FAM227A: variants seen among roughly 807,000 people sequenced by gnomAD.
FAM227A encodes family with sequence similarity 227 member A, also known as protein FAM227A.
In FAM227A, 80 loss-of-function variants were observed where a neutral mutation model predicts 74.7. The observed-to-expected ratio is 1.07, with a 90% CI of 0.89 to 1.29. The LOEUF (loss-of-function observed/expected upper bound fraction) is 1.29. Among genes scored for constraint, FAM227A ranks in the 50% most tolerant of loss-of-function variants. FAM227A has a pLI of 0.00. For synonymous variants in FAM227A, 237 were observed against 241.8 expected, an observed-to-expected ratio of 0.98 and a Z score of 0.19; for missense variants, 654 against 683.4, an observed-to-expected ratio of 0.96 and a Z score of 0.48.
At chr22:38,590,116 A>AACAAAAC in intron 16 of FAM227A, among the ~76,000 whole-genome samples, 1 of 151,014 alleles carries the variant, frequency 6.6e-6, no homozygotes, top group African/African-American at 2.4e-5. Context: ...AACAAAACAA[A>AACAAAAC]AAAACGAAAA....
rs181967559 is a variant in FAM227A, at chr22:38,582,708, G to C, written c.*3417C>G. The C allele has an allele frequency of 9.5e-7, 1 of 1,057,548 alleles. No individual in the cohort carries two copies. The highest frequency in any genetic ancestry group is 1.4e-6 in the Non-Finnish European group (1 of 732,644). 65.5% of individuals were successfully genotyped at this position (1,057,548 alleles called of 1,614,324 possible). On this transcript the variant is annotated 3_prime_UTR_variant, in exon 17 of 17. Transcript: ENST00000535113. ...CAGACAGAAATGCAGTTTGTCCTGG[G>C]CTTAGAAAATAAGGAGACCTTCTTG...
chr22:38,601,006 A>G (rs1330972953), intron 13 of FAM227A, among the ~76,000 whole-genome samples: 1 of 152,140 alleles, frequency 6.6e-6, no homozygotes, highest in Non-Finnish European at 1.5e-5. Flanking sequence ...AGAGACTGGA[A>G]GGCTCTTACC....
At chr22:38,637,358 C>T (rs2092028220) in intron 5 of FAM227A, among the ~76,000 whole-genome samples, 1 of 152,096 alleles carries the variant, frequency 6.6e-6, no homozygotes, top group South Asian at 2.1e-4. Context: ...CATGTAGTTC[C>T]CCTCCCTTTG....
In FAM227A at chr22:38,638,819, T is replaced by C. The variant is rs897579242; in HGVS notation, c.299A>G (p.Lys100Arg). ...GGAATACTGAGATTTCCTTTGTCTCTTGACTGCAGAAAAATGGAGAAAGAG... is the reference window on the plus strand; with the variant it reads ...GGAATACTGAGATTTCCTTTGTCTCCTGACTGCAGAAAAATGGAGAAAGAG... ...KTRSSPEDKV[K>R]RQRKSQYSCK... The change falls in exon 5 of 17, where the codon AAG (lysine) becomes AGG (arginine). Residue 100 changes from lysine to arginine, a missense_variant. Transcript: ENST00000535113. The C allele has an allele frequency of 5.2e-6, 8 of 1,533,120 alleles. No individual in the cohort carries two copies. The highest frequency in any genetic ancestry group is 4.2e-5 in the African/African-American group (3 of 71,758). 95.0% of individuals were successfully genotyped at this position (1,533,120 alleles called of 1,614,324 possible).
Position 38,645,080 on chromosome 22 carries a change from T to C in FAM227A, c.225+483A>G, listed in dbSNP as rs544550252. 3.1e-3 allele frequency among the ~76,000 whole-genome samples: 426 copies of C among 136,146 alleles called. 4 individuals carry two copies. Among genetic ancestry groups the C allele is most frequent in the African/African-American group, 0.011 (402 of 35,318 alleles). The allele number at this position is 136,146 out of a possible 152,430, so 89.3% of individuals were successfully genotyped here. A position where few individuals can be genotyped will look rare whatever the true frequency, so the allele number is the denominator to read the frequency against. ...CCAGTCTGGCGACAGAGCAAGTCTCTGTCTCAAAAATAAATAAATAAAGTT... is the reference window on the plus strand; with the variant it reads ...CCAGTCTGGCGACAGAGCAAGTCTCCGTCTCAAAAATAAATAAATAAAGTT... On this transcript the variant is annotated intron_variant, in intron 3 of 16. Transcript: ENST00000535113.
intron 6 of FAM227A, among the ~76,000 whole-genome samples, chr22:38,631,263 A>G (rs1476923976): frequency 7.0e-6 from 1 of 142,436 alleles, no homozygotes; most frequent in Non-Finnish European, 1.6e-5. Context: ...TGGAGGCACT[A>G]TCCTAAGTGA....
At chr22:38,613,177 TTATATATAATA>T (rs2091470063) in intron 11 of FAM227A, among the ~76,000 whole-genome samples, 1 of 81,498 alleles carries the variant, frequency 1.2e-5, no homozygotes, top group African/African-American at 5.8e-5. Context: ...TGTATATATA[TTATATATAATA>T]TATATATATT....
chr22:38,623,048 T>C (rs2091724364), intron 10 of FAM227A, 124 bp downstream of exon 10: 1 of 669,428 alleles, frequency 1.5e-6, no homozygotes, highest in East Asian at 2.8e-5. Flanking sequence ...GGTGGCTAAT[T>C]TGGGGGTACC....
At chr22:38,647,281 A>G (rs948918325) in intron 2 of FAM227A, among the ~76,000 whole-genome samples, 9 of 152,142 alleles carry the variant, frequency 5.9e-5, no homozygotes, top group African/African-American at 2.2e-4. Context: ...CCTGGCCAAC[A>G]TGGTGAAATC....
At chr22:38,627,424 C>G (rs917081245) in intron 8 of FAM227A, among the ~76,000 whole-genome samples, 1 of 151,388 alleles carries the variant, frequency 6.6e-6, no homozygotes. Flanking sequence ...AAAAATTAGC[C>G]GGGTGTGGTG....
chr22:38,612,424 G>GCACATGCTGTCC (rs2091432766), intron 11 of FAM227A, among the ~76,000 whole-genome samples: 1 of 151,956 alleles, frequency 6.6e-6, no homozygotes, highest in Admixed American at 6.6e-5. Flanking sequence ...CAGGGCCTTT[G>GCACATGCTGTCC]CACATGCTGT....
At chr22:38,636,636 T>C in intron 5 of FAM227A, 39 bp from the exon 6 acceptor site, 3 of 1,535,390 alleles carry the variant, frequency 2.0e-6, no homozygotes, top group Non-Finnish European at 1.8e-6. Context: ...GGGGTTCACA[T>C]TTTGACAGTG....
Position 38,607,410 on chromosome 22 carries a change from G to A in FAM227A, c.1105C>T (p.Arg369Ter), listed in dbSNP as rs1253165692. Residue 369 changes from arginine (R) to a stop codon, truncating the protein, a stop_gained, in exon 12 of 17, where the codon CGA becomes TGA. Coordinates refer to ENST00000535113, the MANE Select transcript of FAM227A (RefSeq NM_001013647.2). LOFTEE classifies it high-confidence loss of function. Reference sequence around the variant, plus strand: ...ATACCTTTTGCAGTATTCTGCATTCGTAAGCTTTTTTCTGAGTTCTGCTTG... The same window carrying A: ...ATACCTTTTGCAGTATTCTGCATTCATAAGCTTTTTTCTGAGTTCTGCTTG... ...SAKQNSEKSL[R>*]MQNTAKEHHC... is the part of the protein sequence containing the mutation. 12 of 1,550,988 alleles carry A rather than the reference G, an allele frequency of 7.7e-6. No individual in the cohort carries two copies. Among genetic ancestry groups the A allele is most frequent in the Admixed American group, 5.9e-5 (3 of 50,922 alleles).
chr22:38,653,125 C>T (rs1269661222), intron 1 of FAM227A, among the ~76,000 whole-genome samples: 1 of 152,086 alleles, frequency 6.6e-6, no homozygotes, highest in African/African-American at 2.4e-5. Context: ...TGAGCTTCAA[C>T]ATTAGATTCT....
chr22:38,613,121 TATA>T (rs1200310848), intron 11 of FAM227A, among the ~76,000 whole-genome samples: 3 of 91,756 alleles, frequency 3.3e-5, no homozygotes, highest in South Asian at 2.8e-4. Flanking sequence ...ATATATTATA[TATA>T]ATTATATATA....
At chr22:38,626,891 AATATATATATAT>A (rs1555966997) in intron 8 of FAM227A, among the ~76,000 whole-genome samples, 1 of 57,688 alleles carries the variant, frequency 1.7e-5, no homozygotes, top group African/African-American at 8.8e-5. Context: ...AAAAAAAAAA[AATATATATATAT>A]ATATATATAT....
chr22:38,582,207 C>G lies in FAM227A; in HGVS notation c.*3918G>C. The stretch of plus-strand genomic sequence containing the variant: ...AGTTTATTTGGGCCTCTTTGTAACC[C>G]CTTCCAGCTTCCCTCCTATCCCCTC... On this transcript the variant is annotated 3_prime_UTR_variant, in exon 17 of 17. Transcript: ENST00000535113. 3.7e-6 allele frequency: 3 copies of G among 812,016 alleles called. No individual in the cohort carries two copies. The highest frequency in any genetic ancestry group is 1.8e-5 in the South Asian group (1 of 55,254). The allele number at this position is 812,016 out of a possible 1,614,324, so 50.3% of individuals were successfully genotyped here.
intron 11 of FAM227A, 41 bp downstream of exon 11, chr22:38,620,171 T>C: frequency 7.2e-7 from 1 of 1,393,812 alleles, no homozygotes; most frequent in Non-Finnish European, 9.9e-7. Flanking sequence ...CTGAAGCTTA[T>C]GGGACTCCAA....
chr22:38,636,662 G>A, intron 5 of FAM227A, 65 bp from the exon 6 acceptor site: 1 of 1,402,774 alleles, frequency 7.1e-7, no homozygotes, highest in East Asian at 2.5e-5. Flanking sequence ...CAATAGGCTA[G>A]CTTCCCCTCT....
Sources: gnomAD v4.1 joint callset for allele counts (sites outside exome capture counted in the v4.1 genomes callset) on GRCh38, gnomAD v4.1.1 for gene constraint, MANE v1.5 for transcripts, NCBI Gene and HGNC (gene_info 2026-07-23, HGNC 2026-07-21) for gene names.